The following AKAP19 variants were observed in gnomAD, a reference collection of about 807,000 sequenced individuals.
The protein encoded by AKAP19 is small A-kinase anchoring protein.
chr2:190,083,654 C>T, the AKAP19 span, among the ~76,000 whole-genome samples: 4 of 145,072 alleles, frequency 2.8e-5, no homozygotes, highest in African/African-American at 1.0e-4. Context: ...AACTCTAGGG[C>T]GTGAGTTATG....
chr2:189,987,752 A>G, the AKAP19 span, among the ~76,000 whole-genome samples: 11 of 152,244 alleles, frequency 7.2e-5, no homozygotes, highest in Admixed American at 7.2e-4. Flanking sequence ...ATTTCTGCCC[A>G]GCATAACTTT....
At chr2:190,181,289 A>T in the AKAP19 span, 1 of 356,888 alleles carries the variant, frequency 2.8e-6, no homozygotes, top group African/African-American at 2.2e-5. Context: ...TCCGTCCCCT[A>T]ATCGAGAAGA....
chr2:190,007,758 C>G, the AKAP19 span, among the ~76,000 whole-genome samples: 1 of 151,996 alleles, frequency 6.6e-6, no homozygotes, highest in East Asian at 1.9e-4. Flanking sequence ...CTCAGGAGTT[C>G]GAGACCAGCC....
the AKAP19 span, among the ~76,000 whole-genome samples, chr2:190,161,733 G>C: frequency 6.6e-6 from 1 of 152,132 alleles, no homozygotes; most frequent in Non-Finnish European, 1.5e-5. Context: ...ATATTTGCCA[G>C]TTCATTAAAT....
At chr2:190,062,199 G>A in the AKAP19 span, 1 of 1,611,146 alleles carries the variant, frequency 6.2e-7, no homozygotes, top group African/African-American at 1.3e-5. Flanking sequence ...CAGAACTGTT[G>A]ATATACACTA....
At chr2:190,126,325 G>A in the AKAP19 span, among the ~76,000 whole-genome samples, 233 of 42,546 alleles carry the variant, frequency 5.5e-3, no homozygotes, top group Non-Finnish European at 9.1e-3. Flanking sequence ...AAAAAAAAAA[G>A]GTGTATATTT....
At chr2:189,934,448 C>G in the AKAP19 span, among the ~76,000 whole-genome samples, 1 of 151,796 alleles carries the variant, frequency 6.6e-6, no homozygotes, top group Non-Finnish European at 1.5e-5. Flanking sequence ...TATTTTTCTC[C>G]ATTTTTACCT....
At chr2:189,949,589 T>C in the AKAP19 span, among the ~76,000 whole-genome samples, 2 of 151,062 alleles carry the variant, frequency 1.3e-5, no homozygotes, top group African/African-American at 4.9e-5. Context: ...GTCAATTATG[T>C]ATGCATAGGT....
the AKAP19 span, among the ~76,000 whole-genome samples, chr2:190,145,090 G>A: frequency 6.6e-6 from 1 of 152,098 alleles, no homozygotes; most frequent in African/African-American, 2.4e-5. Flanking sequence ...TTCAAGACCA[G>A]CCTGGGCAAT....
the AKAP19 span, chr2:189,930,409 G>T: frequency 3.4e-6 from 1 of 293,026 alleles, no homozygotes. Flanking sequence ...TGGGCGCGGT[G>T]GCTTCACGCC....
the AKAP19 span, among the ~76,000 whole-genome samples, chr2:190,058,323 T>G: frequency 5.3e-5 from 8 of 152,158 alleles, no homozygotes; most frequent in South Asian, 2.1e-4. Context: ...TATTAACCAC[T>G]GGACATATTA....
chr2:190,018,167 C>T, the AKAP19 span, among the ~76,000 whole-genome samples: 3 of 152,230 alleles, frequency 2.0e-5, no homozygotes, highest in South Asian at 6.2e-4. Context: ...CTCTGGGCTT[C>T]CCATACCTCA....
chr2:189,963,349 C>A, the AKAP19 span, among the ~76,000 whole-genome samples: 3 of 142,754 alleles, frequency 2.1e-5, no homozygotes, highest in African/African-American at 8.1e-5. Flanking sequence ...CGCCCACCAC[C>A]ACACCTGGCT....
the AKAP19 span, among the ~76,000 whole-genome samples, chr2:190,077,455 G>GTTAACATGT: frequency 6.6e-6 from 1 of 151,554 alleles, no homozygotes; most frequent in African/African-American, 2.4e-5. Flanking sequence ...ATGTTAACAT[G>GTTAACATGT]TTAACATGTT....
At chr2:190,197,118 C>G in the AKAP19 span, among the ~76,000 whole-genome samples, 5 of 152,150 alleles carry the variant, frequency 3.3e-5, no homozygotes, top group African/African-American at 9.7e-5. This position sits in a 1 kb window ranked among gnomAD's most constrained non-coding sequence, Gnocchi z 4.0. Flanking sequence ...AATATCATCA[C>G]CCAAAGGCCC....
the AKAP19 span, among the ~76,000 whole-genome samples, chr2:190,013,391 A>G: frequency 4.6e-5 from 7 of 152,088 alleles, no homozygotes; most frequent in African/African-American, 1.7e-4. Context: ...TTTATTGCTT[A>G]TAATTGTTCA....
chr2:189,972,549 T>C, the AKAP19 span, among the ~76,000 whole-genome samples: 13 of 152,206 alleles, frequency 8.5e-5, no homozygotes, highest in Non-Finnish European at 1.8e-4. Context: ...GGGGATGGCA[T>C]TGAATCTATA....
At chr2:190,062,454 G>A in the AKAP19 span, 1 of 1,613,502 alleles carries the variant, frequency 6.2e-7, no homozygotes, top group East Asian at 2.2e-5. Context: ...TGAAGATTTA[G>A]TGTTTTGTCT....
chr2:189,952,760 T>C, the AKAP19 span, among the ~76,000 whole-genome samples: 1 of 152,368 alleles, frequency 6.6e-6, no homozygotes, highest in Admixed American at 6.5e-5. Flanking sequence ...CTACTTATTT[T>C]TTGATCACAT....
Sources: gnomAD v4.1 joint callset for allele counts (sites outside exome capture counted in the v4.1 genomes callset) on GRCh38, gnomAD v4.1.1 for gene constraint, Gnocchi (gnomAD v3.1) non-coding constraint, MANE v1.5 for transcripts, NCBI Gene and HGNC (gene_info 2026-07-23, HGNC 2026-07-21) for gene names.